Variants in PALLD observed in about 807,000 individuals in gnomAD.
PALLD encodes palladin.
PALLD carries 61 observed loss-of-function variants against 123.5 expected under a neutral mutation model. The observed-to-expected ratio is 0.49, with a 90% CI of 0.40 to 0.61. The LOEUF (loss-of-function observed/expected upper bound fraction) is 0.61, where lower values mean the gene tolerates loss of function less well. Among genes scored for constraint, PALLD ranks in the 20% least tolerant of loss-of-function variants. The pLI is 0.00. For missense variants in PALLD, 1,273 were observed against 1,377.0 expected, an observed-to-expected ratio of 0.92 and a Z score of 1.20; for synonymous variants, 465 against 496.4, an observed-to-expected ratio of 0.94 and a Z score of 0.84.
chr4:168,857,738 TA>T (rs1264818009), intron 10 of PALLD, among the ~76,000 whole-genome samples: 1 of 152,254 alleles, frequency 6.6e-6, no homozygotes, highest in Non-Finnish European at 1.5e-5. Context: ...CTTAGATTTT[TA>T]ACCACTGCAT....
intron 9 of PALLD, 54 bp from the exon 10 acceptor site, chr4:168,711,527 C>T: frequency 1.6e-6 from 2 of 1,220,488 alleles, no homozygotes; most frequent in South Asian, 1.2e-5. Context: ...TGTGAAATCA[C>T]TTGTTGAACT....
chr4:168,815,486 A>G (rs1043897911), intron 10 of PALLD, among the ~76,000 whole-genome samples: 1 of 152,264 alleles, frequency 6.6e-6, no homozygotes, highest in African/African-American at 2.4e-5. Flanking sequence ...AAGCCAGTCT[A>G]AAACTGTCCT....
At chr4:168,748,508 G>A (rs9654304) in intron 10 of PALLD, among the ~76,000 whole-genome samples, 85,986 of 152,002 alleles carry the variant, frequency 0.57, 24,709 homozygotes, top group African/African-American at 0.66. Flanking sequence ...CTGTATAACA[G>A]ATTACCATGA....
chr4:168,900,031 TGGTGAA>T (rs984818579), intron 14 of PALLD, among the ~76,000 whole-genome samples: 17 of 151,978 alleles, frequency 1.1e-4, no homozygotes, highest in East Asian at 1.9e-4. Context: ...CTTACAATCA[TGGTGAA>T]GGCGAAGGCG....
At position 168,849,429 on chromosome 4, in the gene PALLD, T is replaced by C. The variant is rs767857950; in HGVS notation, c.1965-41493T>C. 7.9e-5 allele frequency among the ~76,000 whole-genome samples: 12 copies of C among 152,322 alleles called. No individual in the cohort carries two copies. The South Asian group carries it at 1.9e-3, about 24-fold the overall frequency. On this transcript the variant is annotated intron_variant, in intron 10 of 21. Transcript: ENST00000505667. ...TCTAGAATGCTCTGGCCGACTTAGC[T>C]GCAGAAGAAAAAGGAGAAAGGAAGA...
intron 10 of PALLD, among the ~76,000 whole-genome samples, chr4:168,735,255 A>G (rs59300160): frequency 0.054 from 8,136 of 151,962 alleles, 635 homozygotes; most frequent in East Asian, 0.32. Flanking sequence ...CCCTGCCCTC[A>G]CTGCTCTCGC....
At chr4:168,497,712 C>T (rs1027971558) in intron 1 of PALLD, among the ~76,000 whole-genome samples, 1 of 152,144 alleles carries the variant, frequency 6.6e-6, no homozygotes, top group Non-Finnish European at 1.5e-5. Context: ...GGGATAGTAA[C>T]AGCAGGTATT....
chr4:168,606,915 A>T (rs1561298602), intron 2 of PALLD, among the ~76,000 whole-genome samples: 1 of 152,140 alleles, frequency 6.6e-6, no homozygotes, highest in East Asian at 1.9e-4. Context: ...ACAAGCTGAG[A>T]TTTTCTCTTG....
chr4:168,585,858 T>C (rs1013270892), intron 2 of PALLD, among the ~76,000 whole-genome samples: 1 of 152,180 alleles, frequency 6.6e-6, no homozygotes, highest in Non-Finnish European at 1.5e-5. Context: ...AGAGCTGAGA[T>C]TTCCACACAA....
chr4:168,792,819 T>G (rs979814870), intron 10 of PALLD, among the ~76,000 whole-genome samples: 8 of 151,270 alleles, frequency 5.3e-5, no homozygotes, highest in African/African-American at 1.7e-4. Flanking sequence ...CAGGCTAGAG[T>G]GCAGTGGTGC....
chr4:168,745,474 CT>C (rs974759874), intron 10 of PALLD, among the ~76,000 whole-genome samples: 27 of 146,804 alleles, frequency 1.8e-4, no homozygotes, highest in South Asian at 4.4e-4. Flanking sequence ...GGATGTAACA[CT>C]TTTTTTTTTC....
intron 14 of PALLD, among the ~76,000 whole-genome samples, chr4:168,901,261 G>A (rs1396124038): frequency 1.3e-5 from 2 of 152,002 alleles, no homozygotes; most frequent in East Asian, 3.8e-4. Context: ...GTTTTTTTAG[G>A]CTTATGTTTT....
intron 1 of PALLD, among the ~76,000 whole-genome samples, chr4:168,505,170 T>C (rs1016678439): frequency 6.6e-6 from 1 of 152,234 alleles, no homozygotes; most frequent in African/African-American, 2.4e-5. Flanking sequence ...ACCACGTGCA[T>C]GTTCCCGCGG....
intron 10 of PALLD, among the ~76,000 whole-genome samples, chr4:168,724,512 T>C (rs1349261364): frequency 6.6e-6 from 1 of 152,228 alleles, no homozygotes; most frequent in Admixed American, 6.5e-5. Context: ...ACACAAACCT[T>C]GTGGATGACA....
At chr4:168,749,379 A>G (rs6817535) in intron 10 of PALLD, among the ~76,000 whole-genome samples, 49,985 of 151,220 alleles carry the variant, frequency 0.33, 8,865 homozygotes, top group Middle Eastern at 0.4. Flanking sequence ...AATGTAACTA[A>G]TTGAGTGAGT....
At chr4:168,622,393 TCAAA>T (rs1346427091) in intron 2 of PALLD, among the ~76,000 whole-genome samples, 1 of 152,236 alleles carries the variant, frequency 6.6e-6, no homozygotes, top group Non-Finnish European at 1.5e-5. Context: ...CCAGTCTTGC[TCAAA>T]CAATGTCTCT....
chr4:168,638,413 TG>T (rs1269659602), intron 2 of PALLD, among the ~76,000 whole-genome samples: 1 of 152,316 alleles, frequency 6.6e-6, no homozygotes, highest in Admixed American at 6.5e-5. Context: ...AAGTTGCAGT[TG>T]ATCTCCTGGC....
At chr4:168,817,697 A>C (rs1302102719) in intron 10 of PALLD, among the ~76,000 whole-genome samples, 2 of 152,198 alleles carry the variant, frequency 1.3e-5, no homozygotes, top group Non-Finnish European at 2.9e-5. Context: ...GATACTCCTA[A>C]ACATAATTTG....
chr4:168,843,868 T>A (rs1746408535), intron 10 of PALLD: 1 of 152,142 alleles, frequency 6.6e-6, no homozygotes, highest in Non-Finnish European at 1.5e-5. Context: ...TTACGGAAAT[T>A]GAACTTCCGT....
Sources: allele counts gnomAD v4.1 joint callset (sites outside exome capture counted in the v4.1 genomes callset), GRCh38; gene constraint gnomAD v4.1.1; transcripts MANE v1.5; gene names NCBI Gene and HGNC (gene_info 2026-07-23, HGNC 2026-07-21).